The following GPR158 variants were observed in gnomAD, a reference collection of about 807,000 sequenced individuals.
GPR158 encodes metabotropic glycine receptor.
Under a neutral mutation model 78.2 loss-of-function variants are expected in GPR158, and 30 were observed. The observed-to-expected ratio is 0.38, with a 90% CI of 0.29 to 0.52. GPR158 has a LOEUF of 0.52. Among genes scored for constraint, GPR158 ranks in the 20% least tolerant of loss-of-function variants. GPR158 has a pLI of 0.83. For synonymous variants in GPR158, 581 were observed against 591.1 expected (o/e 0.98, Z 0.25); for missense variants, 1,463 against 1,523.5 (o/e 0.96, Z 0.66).
At position 25,464,513 on chromosome 10, in the gene GPR158, C is replaced by A. The variant is rs1043768127; in HGVS notation, c.1336-2138C>A. ...TACTTATTAAGCACCAGGTACAATGCCAGCCATTTTGCATACTTCATATTT... is the reference window on the plus strand; with the variant it reads ...TACTTATTAAGCACCAGGTACAATGACAGCCATTTTGCATACTTCATATTT... On this transcript the variant is annotated intron_variant, in intron 4 of 10. Transcript: ENST00000376351. 2.6e-5 allele frequency among the ~76,000 whole-genome samples: 4 copies of A among 152,138 alleles called. No homozygotes were observed. The East Asian group carries it at 5.8e-4, about 22-fold the overall frequency.
Position 25,599,445 on chromosome 10 carries a change from G to A in GPR158, c.*171G>A, listed in dbSNP as rs1837462911. On this transcript the variant is annotated 3_prime_UTR_variant, in exon 11 of 11. Coordinates refer to ENST00000376351, the MANE Select transcript of GPR158 (RefSeq NM_020752.3). ...GGACCAGGGGGGCAAGAGCAACAAC[G>A]TCATAATGGAGAAGTCAGACTTTGG... is the stretch of plus-strand genomic sequence containing the variant. 7 of 588,356 alleles carry A rather than the reference G, an allele frequency of 1.2e-5. No individual in the cohort carries two copies. The highest frequency in any genetic ancestry group is 6.2e-5 in the Admixed American group (2 of 32,376). The allele number at this position is 588,356 out of a possible 1,614,324, so 36.4% of individuals were successfully genotyped here.
chr10:25,201,837 A>G (rs2765699), intron 1 of GPR158, among the ~76,000 whole-genome samples: 33,287 of 151,832 alleles, frequency 0.22, 5,181 homozygotes, highest in African/African-American at 0.44. Context: ...CTTGATCATG[A>G]TAGATGAGCT....
At chr10:25,553,761 T>C (rs187968935) in intron 6 of GPR158, among the ~76,000 whole-genome samples, 1 of 152,168 alleles carries the variant, frequency 6.6e-6, no homozygotes, top group Non-Finnish European at 1.5e-5. Flanking sequence ...TAAGCTTTTG[T>C]GATGACATGA....
intron 2 of GPR158, among the ~76,000 whole-genome samples, chr10:25,282,296 A>G (rs538487863): frequency 3.9e-5 from 6 of 152,204 alleles, no homozygotes; most frequent in African/African-American, 9.6e-5. Context: ...ATATTGTTGT[A>G]TGTGTTAATA....
At chr10:25,398,862 C>T (rs538872132) in intron 3 of GPR158, among the ~76,000 whole-genome samples, 2 of 152,110 alleles carry the variant, frequency 1.3e-5, no homozygotes, top group African/African-American at 2.4e-5. Context: ...GCAGAACAGT[C>T]GCTGCATGTT....
intron 1 of GPR158, among the ~76,000 whole-genome samples, chr10:25,204,439 G>A (rs1020147707): frequency 5.3e-5 from 8 of 152,146 alleles, no homozygotes; most frequent in Non-Finnish European, 1.2e-4. Flanking sequence ...TCAATACCTA[G>A]TTTATTGAGA....
At chr10:25,540,025 G>A (rs1226783927) in intron 5 of GPR158, among the ~76,000 whole-genome samples, 2 of 152,154 alleles carry the variant, frequency 1.3e-5, no homozygotes, top group Non-Finnish European at 2.9e-5. Flanking sequence ...CAGAATGGGA[G>A]AAAATTTTCG....
intron 7 of GPR158, among the ~76,000 whole-genome samples, chr10:25,574,117 A>T (rs1229163770): frequency 7.0e-6 from 1 of 143,466 alleles, no homozygotes; most frequent in Admixed American, 7.2e-5. Context: ...TATGAAGCAA[A>T]GGCCACTAGT....
intron 5 of GPR158, among the ~76,000 whole-genome samples, chr10:25,515,079 A>G (rs1345830639): frequency 6.6e-6 from 1 of 152,034 alleles, no homozygotes; most frequent in Non-Finnish European, 1.5e-5. Context: ...AGGCTGGGGA[A>G]GTTTTCCTCA....
intron 2 of GPR158, among the ~76,000 whole-genome samples, chr10:25,264,463 A>C (rs1032226476): frequency 6.6e-6 from 1 of 152,196 alleles, no homozygotes; most frequent in Non-Finnish European, 1.5e-5. Flanking sequence ...ATTTGAGTGA[A>C]GAAACATTTT....
Position 25,529,319 on chromosome 10 carries a change from G to A in GPR158, c.1405-21657G>A, listed in dbSNP as rs568544914. ...GGAGAATCACTTGAACTCGGGAGGCGGAGGTAGCAGTAAGCCGAGATTGCA... is the reference window on the plus strand; with the variant it reads ...GGAGAATCACTTGAACTCGGGAGGCAGAGGTAGCAGTAAGCCGAGATTGCA... On this transcript the variant is annotated intron_variant, in intron 5 of 10. Transcript: ENST00000376351. Among the ~76,000 whole-genome samples the A allele has an allele frequency of 1.0e-3, 152 of 152,166 alleles. 1 individual carries two copies. Among genetic ancestry groups the A allele is most frequent in the African/African-American group, 3.3e-3 (139 of 41,500 alleles).
intron 4 of GPR158, among the ~76,000 whole-genome samples, chr10:25,464,222 T>G (rs762774262): frequency 6.6e-6 from 1 of 152,192 alleles, no homozygotes; most frequent in Non-Finnish European, 1.5e-5. Context: ...CACGTACTCC[T>G]GCTACTGTTA....
At chr10:25,539,201 AG>A (rs759986931) in intron 5 of GPR158, among the ~76,000 whole-genome samples, 1 of 152,174 alleles carries the variant, frequency 6.6e-6, no homozygotes. Flanking sequence ...GGAGGCTCCA[AG>A]ACTGGCTTAT....
intron 2 of GPR158, among the ~76,000 whole-genome samples, chr10:25,384,676 G>C (rs187513358): frequency 1.3e-3 from 180 of 137,506 alleles, no homozygotes; most frequent in Non-Finnish European, 1.5e-3. Flanking sequence ...TATAAATGTG[G>C]TTTTTCGGCA....
chr10:25,407,013 T>A (rs1231209088), intron 3 of GPR158, among the ~76,000 whole-genome samples: 1 of 152,192 alleles, frequency 6.6e-6, no homozygotes, highest in Non-Finnish European at 1.5e-5. Flanking sequence ...TTGGACCCCA[T>A]AATCACATTC....
At chr10:25,444,567 T>C (rs958125820) in intron 4 of GPR158, among the ~76,000 whole-genome samples, 1 of 150,636 alleles carries the variant, frequency 6.6e-6, no homozygotes, top group Non-Finnish European at 1.5e-5. Context: ...TATGTGCATT[T>C]GTGTGGAGGA....
chr10:25,491,621 A>G (rs1167854113), intron 5 of GPR158, among the ~76,000 whole-genome samples: 25 of 152,186 alleles, frequency 1.6e-4, no homozygotes, highest in Admixed American at 1.6e-3. Flanking sequence ...AATTTTAAAC[A>G]TGTAATTCTT....
chr10:25,417,808 T>C (rs759097311), intron 4 of GPR158, among the ~76,000 whole-genome samples: 3 of 152,096 alleles, frequency 2.0e-5, no homozygotes, highest in Non-Finnish European at 2.9e-5. Context: ...AAACACCTGG[T>C]TAGGGATGGC....
At chr10:25,566,886 A>G (rs1273645103) in intron 6 of GPR158, among the ~76,000 whole-genome samples, 4 of 152,112 alleles carry the variant, frequency 2.6e-5, no homozygotes, top group Non-Finnish European at 1.5e-5. Context: ...TTAATAGCAG[A>G]ATGACAGAAA....
Sources: allele counts gnomAD v4.1 joint callset (sites outside exome capture counted in the v4.1 genomes callset), GRCh38; gene constraint gnomAD v4.1.1; transcripts MANE v1.5; gene names NCBI Gene and HGNC (gene_info 2026-07-23, HGNC 2026-07-21).